The following GALK2 variants were observed in gnomAD, a reference collection of about 807,000 sequenced individuals.
GALK2 encodes the protein galactokinase 2, also known as N-acetylgalactosamine kinase.
Under a neutral mutation model 52.4 loss-of-function variants are expected in GALK2, and 36 were observed. That is an observed-to-expected ratio of 0.69 (90% confidence interval 0.53 to 0.91). The LOEUF (loss-of-function observed/expected upper bound fraction) is 0.91. Ranked by LOEUF, GALK2 falls within the 40% of genes least tolerant of loss-of-function variation. GALK2 has a pLI of 0.00. For synonymous variants in GALK2, 176 were observed against 199.1 expected (o/e 0.88, Z 0.98); for missense variants, 579 against 559.1 (o/e 1.04, Z -0.36).
chr15:49,299,743 C>CTTTCTTTCTTTCTTTCTTTTTTTTT (rs1596019135), intron 8 of GALK2, among the ~76,000 whole-genome samples: 40 of 107,760 alleles, frequency 3.7e-4, no homozygotes, highest in African/African-American at 1.5e-3. Flanking sequence ...TCTTTTCTTT[C>CTTTCTTTCTTTCTTTCTTTTTTTTT]TTTCTTTCTT....
intron 9 of GALK2, among the ~76,000 whole-genome samples, chr15:49,322,713 T>G (rs2036983271): frequency 6.6e-6 from 1 of 152,232 alleles, no homozygotes; most frequent in East Asian, 1.9e-4. Flanking sequence ...ATCCCAGCAC[T>G]TTGGGAGGCC....
At chr15:49,183,853 A>C (rs181741690) in intron 1 of GALK2, among the ~76,000 whole-genome samples, 10,243 of 152,000 alleles carry the variant, frequency 0.067, 722 homozygotes, top group African/African-American at 0.17. Context: ...CAGAAAAAAA[A>C]AAAAAAAAAA....
At chr15:49,159,924 T>C (rs2084592021) in intron 1 of GALK2, among the ~76,000 whole-genome samples, 1 of 152,178 alleles carries the variant, frequency 6.6e-6, no homozygotes, top group Admixed American at 6.5e-5. Flanking sequence ...CAGCTGTGTC[T>C]GTTTCCTAAA....
chr15:49,344,701 G>A (rs1187671791), intron 3 of GALK2, among the ~76,000 whole-genome samples: 4 of 152,188 alleles, frequency 2.6e-5, no homozygotes, highest in African/African-American at 9.6e-5. Context: ...TGCAATCTCA[G>A]TTATGCCAGG....
At chr15:49,180,262 T>C (rs1261883338) in intron 1 of GALK2, among the ~76,000 whole-genome samples, 2 of 152,320 alleles carry the variant, frequency 1.3e-5, no homozygotes, top group East Asian at 3.9e-4. Flanking sequence ...AAACTTGAAT[T>C]TCATCTGTAT....
intron 1 of GALK2, among the ~76,000 whole-genome samples, chr15:49,192,579 A>G (rs1038055011): frequency 2.0e-5 from 3 of 147,886 alleles, no homozygotes; most frequent in Admixed American, 1.4e-4. Context: ...CTAGGTAAAA[A>G]TTAATGACTA....
intron 5 of GALK2, among the ~76,000 whole-genome samples, chr15:49,256,302 G>A (rs559652813): frequency 1.1e-4 from 16 of 152,142 alleles, no homozygotes; most frequent in Admixed American, 8.5e-4. Flanking sequence ...ACTGTAGCCC[G>A]TCTAGATAAA....
chr15:49,367,349 C>T (rs76388557), intron 3 of GALK2: 37,007 of 1,057,240 alleles, frequency 0.035, 1,386 homozygotes, highest in African/African-American at 0.17. Context: ...ATTGATAAAA[C>T]ATGCATTCAA....
Position 49,328,842 on chromosome 15 carries a change from C to A in GALK2, c.*683C>A. 6 of 1,378,882 alleles carry A rather than the reference C, an allele frequency of 4.4e-6. No individual in the cohort carries two copies. Among genetic ancestry groups the A allele is most frequent in the Non-Finnish European group, 5.6e-6 (6 of 1,065,408 alleles). The allele number at this position is 1,378,882 out of a possible 1,614,324, so 85.4% of individuals were successfully genotyped here. ...TCAGACTCATTTGAATATTTGTAAA[C>A]CATGTAATATATAAATAACCACTTT... On this transcript the variant is annotated 3_prime_UTR_variant, in exon 10 of 10. Coordinates refer to ENST00000560031, the MANE Select transcript of GALK2 (RefSeq NM_002044.4).
At chr15:49,279,638 A>G (rs1230716058) in intron 5 of GALK2, among the ~76,000 whole-genome samples, 2 of 152,224 alleles carry the variant, frequency 1.3e-5, no homozygotes, top group Non-Finnish European at 2.9e-5. Context: ...TACTTAGTAT[A>G]CTTACCACAT....
intron 2 of GALK2, among the ~76,000 whole-genome samples, chr15:49,210,959 A>ACACACACC (rs1555405142): frequency 9.3e-6 from 1 of 107,874 alleles, no homozygotes; most frequent in Non-Finnish European, 1.9e-5. Flanking sequence ...GTTGGCTGTC[A>ACACACACC]CACACACACA....
chr15:49,222,088 G>C (rs2899430), intron 3 of GALK2, among the ~76,000 whole-genome samples: 51,748 of 151,694 alleles, frequency 0.34, 9,399 homozygotes, highest in East Asian at 0.58. Flanking sequence ...ATTCATCAGT[G>C]TTTTCTAGTT....
Position 49,331,042 on chromosome 15 carries a change from CTCTT to C in GALK2, c.*2887_*2890del, listed in dbSNP as rs1260166525. Reference sequence around the variant, plus strand: ...TATTATACAACACCCAGGTGTTTCACTCTTTCTATCACTTTTCTGCCCCATGTAG... The same window carrying C: ...TATTATACAACACCCAGGTGTTTCACTCTATCACTTTTCTGCCCCATGTAG... On this transcript the variant is annotated 3_prime_UTR_variant, in exon 10 of 10. Transcript: ENST00000560031. The C allele has an allele frequency of 2.0e-5, 3 of 152,248 alleles. No homozygotes were observed. Among genetic ancestry groups the C allele is most frequent in the Non-Finnish European group, 2.9e-5 (2 of 68,058 alleles). 9.4% of individuals were successfully genotyped at this position (152,248 alleles called of 1,614,324 possible). A position where few individuals can be genotyped will look rare whatever the true frequency, so the allele number is the denominator to read the frequency against.
At chr15:49,293,614 C>T (rs1160627062) in intron 8 of GALK2, among the ~76,000 whole-genome samples, 2 of 152,200 alleles carry the variant, frequency 1.3e-5, no homozygotes, top group Non-Finnish European at 2.9e-5. Context: ...TTTGCTGGCT[C>T]TCGTTCCAGA....
intron 2 of GALK2, among the ~76,000 whole-genome samples, chr15:49,205,055 AT>A (rs1292822585): frequency 6.6e-6 from 1 of 152,174 alleles, no homozygotes; most frequent in African/African-American, 2.4e-5. Flanking sequence ...GCTGCATAGT[AT>A]TCCATTGTAT....
chr15:49,233,198 A>G (rs538199843), intron 3 of GALK2, among the ~76,000 whole-genome samples: 3 of 152,352 alleles, frequency 2.0e-5, no homozygotes, highest in South Asian at 2.1e-4. Context: ...ACTTACAAGC[A>G]TGGTGGAAGG....
intron 3 of GALK2, among the ~76,000 whole-genome samples, chr15:49,346,273 A>G (rs903050827): frequency 6.6e-6 from 1 of 152,198 alleles, no homozygotes; most frequent in Non-Finnish European, 1.5e-5. Context: ...CCTTTTGACC[A>G]TGGAGGGCCA....
At chr15:49,350,845 GA>G (rs759361712) in intron 3 of GALK2, among the ~76,000 whole-genome samples, 10 of 152,172 alleles carry the variant, frequency 6.6e-5, no homozygotes, top group Non-Finnish European at 1.3e-4. Context: ...CAATGGTAGG[GA>G]TAAATGGGAG....
intron 3 of GALK2, among the ~76,000 whole-genome samples, chr15:49,354,327 T>C (rs1339394573): frequency 6.6e-6 from 1 of 152,198 alleles, no homozygotes; most frequent in African/African-American, 2.4e-5. Context: ...CATTTCCATC[T>C]GAGGTACCGG....
Sources: allele counts gnomAD v4.1 joint callset (sites outside exome capture counted in the v4.1 genomes callset), GRCh38; gene constraint gnomAD v4.1.1; transcripts MANE v1.5; gene names NCBI Gene and HGNC (gene_info 2026-07-23, HGNC 2026-07-21).